CYP2C18: variants seen among roughly 807,000 people sequenced by gnomAD.
CYP2C18 encodes the protein cytochrome P450 family 2 subfamily C member 18.
A neutral mutation model predicts 41.3 loss-of-function variants in CYP2C18; 38 were observed. The observed-to-expected ratio is 0.92, with a 90% CI of 0.71 to 1.21. CYP2C18 has a LOEUF of 1.21. CYP2C18 is among the 50% of genes most tolerant of loss of function. The pLI, the probability that CYP2C18 is intolerant of heterozygous loss-of-function variation, is 0.00. For missense variants in CYP2C18, 635 were observed against 591.4 expected (o/e 1.07, Z -0.77); for synonymous variants, 236 against 210.0 (o/e 1.12, Z -1.07).
chr10:94,716,820 A>G (rs951825672), intron 5 of CYP2C18, among the ~76,000 whole-genome samples: 3 of 151,966 alleles, frequency 2.0e-5, no homozygotes, highest in Non-Finnish European at 4.4e-5. Flanking sequence ...GAGTCTAATT[A>G]TCTTCGTAGG....
At chr10:94,715,917 T>G (rs888573684) in intron 5 of CYP2C18, among the ~76,000 whole-genome samples, 1 of 151,958 alleles carries the variant, frequency 6.6e-6, no homozygotes. Flanking sequence ...CTTGGGAGAG[T>G]GTATGTGTCG....
At chr10:94,699,697 G>T (rs1013839787) in intron 4 of CYP2C18, among the ~76,000 whole-genome samples, 1 of 152,174 alleles carries the variant, frequency 6.6e-6, no homozygotes. Flanking sequence ...TTCCCTGTTT[G>T]CAGATGACAT....
chr10:94,735,025 C>A (rs1271616669), intron 8 of CYP2C18, among the ~76,000 whole-genome samples: 1 of 152,130 alleles, frequency 6.6e-6, no homozygotes, highest in Admixed American at 6.6e-5. Context: ...AAGTGCATGG[C>A]ATAGAGCTGA....
chr10:94,732,451 T>G (rs552889811), intron 7 of CYP2C18, among the ~76,000 whole-genome samples: 1 of 151,982 alleles, frequency 6.6e-6, no homozygotes, highest in Non-Finnish European at 1.5e-5. Flanking sequence ...TACAATTTGA[T>G]CCAGCAATCC....
At chr10:94,712,635 G>A (rs1364493824) in intron 5 of CYP2C18, among the ~76,000 whole-genome samples, 1 of 152,166 alleles carries the variant, frequency 6.6e-6, no homozygotes, top group Non-Finnish European at 1.5e-5. Context: ...ATTGGGAATA[G>A]TGCTGCAATT....
intron 4 of CYP2C18, among the ~76,000 whole-genome samples, chr10:94,699,431 C>T (rs552635086): frequency 1.3e-5 from 2 of 152,138 alleles, no homozygotes; most frequent in African/African-American, 2.4e-5. Flanking sequence ...ATTCAACAAC[C>T]CTTCATGCTA....
At chr10:94,735,126 T>A in intron 8 of CYP2C18, 137 bp from the exon 9 acceptor site, 1 of 856,810 alleles carries the variant, frequency 1.2e-6, no homozygotes. Context: ...TTTCTGTGTA[T>A]CCAGCCATCC....
intron 5 of CYP2C18, among the ~76,000 whole-genome samples, chr10:94,712,209 A>G (rs553077495): frequency 2.0e-5 from 3 of 149,786 alleles, no homozygotes; most frequent in Admixed American, 1.3e-4. Context: ...TGTGGAATCC[A>G]TGGATAGGAA....
At chr10:94,729,188 G>A (rs1267079747) in intron 7 of CYP2C18, among the ~76,000 whole-genome samples, 1 of 152,160 alleles carries the variant, frequency 6.6e-6, no homozygotes, top group Non-Finnish European at 1.5e-5. Flanking sequence ...CTCATATAAA[G>A]AAGTCAGTGA....
At position 94,733,322 on chromosome 10, in the gene CYP2C18, C is replaced by G; in HGVS notation, c.1175C>G (p.Thr392Ser). The change falls in exon 8 of 9, where the codon ACT becomes AGT. Residue 392 changes from threonine to serine, a missense_variant. Coordinates refer to ENST00000285979, the MANE Select transcript of CYP2C18 (RefSeq NM_000772.3). ...PKGTTIITSLTSVLHNDKEFP... is the reference protein window; with the variant it reads ...PKGTTIITSLSSVLHNDKEFP... The stretch of plus-strand genomic sequence containing the variant: ...GGCACGACCATAATAACATCCCTGA[C>G]TTCTGTGCTGCACAATGACAAAGAA... 6 of 1,613,250 alleles carry G rather than the reference C, an allele frequency of 3.7e-6. No individual in the cohort carries two copies.
At position 94,706,952 on chromosome 10, in the gene CYP2C18, A is replaced by G. The variant is rs552040999; in HGVS notation, c.811A>G (p.Met271Val). 5 of 1,606,168 alleles carry G rather than the reference A, an allele frequency of 3.1e-6. No homozygotes were observed. In the South Asian group the frequency reaches 5.6e-5, roughly 18 times the overall value. ...CTTTATTGATTGTTTCCTGATCAAA[A>G]TGGAACAGGTAAAATGTTATTTGTT... is the stretch of plus-strand genomic sequence containing the variant. ...RDFIDCFLIK[M>V]EQEKHNQQSE... is the part of the protein sequence containing the mutation. Residue 271 changes from methionine (M) to valine (V), a missense_variant, in exon 5 of 9, where the codon ATG becomes GTG. Coordinates refer to ENST00000285979, the MANE Select transcript of CYP2C18 (RefSeq NM_000772.3).
intron 7 of CYP2C18, among the ~76,000 whole-genome samples, chr10:94,732,624 G>A (rs1208488497): frequency 1.3e-5 from 2 of 152,084 alleles, no homozygotes; most frequent in Non-Finnish European, 2.9e-5. Context: ...AAATACACCA[G>A]GAAACCCTAT....
chr10:94,697,399 G>A (rs1047574247), intron 4 of CYP2C18, among the ~76,000 whole-genome samples: 4 of 152,176 alleles, frequency 2.6e-5, no homozygotes, highest in African/African-American at 9.7e-5. Context: ...AAGTGAAGGA[G>A]AAATAAAATC....
At chr10:94,724,018 AT>A (rs1163534798) in intron 6 of CYP2C18, among the ~76,000 whole-genome samples, 2 of 150,802 alleles carry the variant, frequency 1.3e-5, no homozygotes, top group Non-Finnish European at 1.5e-5. Flanking sequence ...CATTAATTTG[AT>A]TTTTTTCTTT....
intron 1 of CYP2C18, among the ~76,000 whole-genome samples, chr10:94,687,353 CA>C (rs1331913526): frequency 6.6e-6 from 1 of 152,182 alleles, no homozygotes; most frequent in East Asian, 1.9e-4. Context: ...AGTGTCCCAG[CA>C]GCTGATTATT....
chr10:94,724,562 C>G, intron 7 of CYP2C18, 29 bp downstream of exon 7: 1 of 1,592,288 alleles, frequency 6.3e-7, no homozygotes. Context: ...CACTACATCT[C>G]CATGCTCTTC....
intron 5 of CYP2C18, among the ~76,000 whole-genome samples, chr10:94,717,730 A>G (rs1345772617): frequency 6.6e-6 from 1 of 151,994 alleles, no homozygotes; most frequent in Non-Finnish European, 1.5e-5. Flanking sequence ...TTTCCATTGC[A>G]TATTCTTGGT....
chr10:94,712,617 T>C (rs1200989021), intron 5 of CYP2C18, among the ~76,000 whole-genome samples: 1 of 152,198 alleles, frequency 6.6e-6, no homozygotes, highest in Non-Finnish European at 1.5e-5. Context: ...TGATTCTATA[T>C]ATTAGCTATT....
intron 8 of CYP2C18, 101 bp from the exon 9 acceptor site, chr10:94,735,162 T>C (rs1452484947): frequency 6.7e-6 from 8 of 1,199,450 alleles, no homozygotes; most frequent in Non-Finnish European, 8.5e-6. Context: ...CTTCGATCCA[T>C]CCATCTATTT....
Sources: gnomAD v4.1 joint callset for allele counts (sites outside exome capture counted in the v4.1 genomes callset) on GRCh38, gnomAD v4.1.1 for gene constraint, MANE v1.5 for transcripts, NCBI Gene and HGNC (gene_info 2026-07-23, HGNC 2026-07-21) for gene names.